CIT: variants seen among roughly 807,000 people sequenced by gnomAD.
CIT encodes citron rho-interacting serine/threonine kinase.
Under a neutral mutation model 272.7 loss-of-function variants are expected in CIT, and 79 were observed. The observed-to-expected ratio is 0.29, with a 90% CI of 0.24 to 0.35. CIT has a LOEUF of 0.35. Ranked by LOEUF, CIT falls within the 10% of genes least tolerant of loss-of-function variation. The pLI is 1.00. For synonymous variants in CIT, 948 were observed against 995.6 expected, an observed-to-expected ratio of 0.95 and a Z score of 0.90; for missense variants, 1,909 against 2,618.3, an observed-to-expected ratio of 0.73 and a Z score of 5.91.
chr12:119,798,392 G>A (rs1252579930), intron 10 of CIT, among the ~76,000 whole-genome samples: 2 of 152,162 alleles, frequency 1.3e-5, no homozygotes, highest in Non-Finnish European at 2.9e-5. Flanking sequence ...CATAACTTTA[G>A]GCAAGTTGTT....
intron 23 of CIT, among the ~76,000 whole-genome samples, chr12:119,750,102 T>A (rs1307350197): frequency 6.6e-6 from 1 of 152,224 alleles, no homozygotes; most frequent in Non-Finnish European, 1.5e-5. Context: ...TTATTAAATA[T>A]GGATTAAATT....
At chr12:119,848,552 A>T (rs1037722315) in intron 5 of CIT, among the ~76,000 whole-genome samples, 1 of 152,214 alleles carries the variant, frequency 6.6e-6, no homozygotes, top group Non-Finnish European at 1.5e-5. Flanking sequence ...CTAACTTATG[A>T]TATATACACA....
intron 20 of CIT, among the ~76,000 whole-genome samples, chr12:119,760,455 C>T (rs1961625625): frequency 1.3e-5 from 2 of 151,962 alleles, no homozygotes; most frequent in Non-Finnish European, 2.9e-5. Flanking sequence ...AGCAAGATCT[C>T]GTCTCTACAG....
At chr12:119,863,846 G>GAA (rs111497376) in intron 3 of CIT, among the ~76,000 whole-genome samples, 19 of 108,808 alleles carry the variant, frequency 1.7e-4, no homozygotes, top group Non-Finnish European at 2.0e-4. Context: ...TTTAAACATA[G>GAA]AAAAAAAAAA....
In CIT at chr12:119,713,015, G is replaced by C. The variant is rs1014399591; in HGVS notation, c.4579+188C>G. On this transcript the variant is annotated intron_variant, in intron 35 of 47. Transcript: ENST00000392521. The surrounding 1 kb of genome is among the most constrained non-coding windows in gnomAD (Gnocchi z 5.2). Reference sequence around the variant, plus strand: ...AGGGCAGCGCCCTGCGGGTTCTTCAGGGGGGAGACCTATAGATGTGAGTAT... The same window carrying C: ...AGGGCAGCGCCCTGCGGGTTCTTCACGGGGGAGACCTATAGATGTGAGTAT... The C allele has an allele frequency of 4.7e-6, 3 of 636,396 alleles. No individual in the cohort carries two copies. Among genetic ancestry groups the C allele is most frequent in the African/African-American group, 1.8e-5 (1 of 54,984 alleles). The allele number at this position is 636,396 out of a possible 1,614,324, so 39.4% of individuals were successfully genotyped here.
At chr12:119,741,918 T>C (rs907220039) in intron 24 of CIT, among the ~76,000 whole-genome samples, 1 of 152,218 alleles carries the variant, frequency 6.6e-6, no homozygotes, top group Non-Finnish European at 1.5e-5. Flanking sequence ...TGAATTTGCA[T>C]GTTGGGAAGC....
chr12:119,755,397 C>T (rs1960813291), intron 22 of CIT, among the ~76,000 whole-genome samples: 1 of 152,228 alleles, frequency 6.6e-6, no homozygotes, highest in Admixed American at 6.5e-5. Context: ...CAAATAAAGA[C>T]ATGCATAAAC....
At chr12:119,858,508 C>A (rs1206648015) in intron 3 of CIT, among the ~76,000 whole-genome samples, 1 of 143,400 alleles carries the variant, frequency 7.0e-6, no homozygotes, top group Non-Finnish European at 1.5e-5. Context: ...CAGAGTGAAA[C>A]TCTGTCTCCA....
intron 23 of CIT, 62 bp downstream of exon 23, chr12:119,751,988 A>C: frequency 2.1e-6 from 3 of 1,419,068 alleles, no homozygotes; most frequent in Non-Finnish European, 2.9e-6. Flanking sequence ...ACTCAGTGCC[A>C]GTTCCACACT....
In CIT at chr12:119,701,410, C is replaced by T. The variant is rs148098124; in HGVS notation, c.5542+214G>A. On this transcript the variant is annotated intron_variant, in intron 43 of 47. Transcript: ENST00000392521. ...GGATGGATGAGGAAAAAACTGCCTG[C>T]TCTTTGGAGAGAATGTGATAAAGTT... 3.5e-4 allele frequency among the ~76,000 whole-genome samples: 54 copies of T among 152,252 alleles called. No individual in the cohort carries two copies. The East Asian group carries it at 9.6e-3, about 27-fold the overall frequency.
intron 5 of CIT, among the ~76,000 whole-genome samples, chr12:119,848,312 G>T (rs145395689): frequency 6.6e-6 from 1 of 152,250 alleles, no homozygotes; most frequent in African/African-American, 2.4e-5. Flanking sequence ...AGGAATAAAA[G>T]CAGCAAATTC....
At chr12:119,689,666 CTTTTTTTTTTTTT>C (rs531946559) in intron 47 of CIT, among the ~76,000 whole-genome samples, 1,276 of 75,142 alleles carry the variant, frequency 0.017, 43 homozygotes, top group African/African-American at 0.056. Flanking sequence ...TTAGGAAGCT[CTTTTTTTTTTTTT>C]TTTTTTTTTT....
At chr12:119,692,870 T>TTA (rs1956035791) in intron 46 of CIT, among the ~76,000 whole-genome samples, 2 of 152,220 alleles carry the variant, frequency 1.3e-5, no homozygotes, top group African/African-American at 4.8e-5. Context: ...AACCCCTGTC[T>TTA]CTGCAGCAGT....
At chr12:119,828,990 AAAGGAAGG>A (rs10544983) in intron 7 of CIT, among the ~76,000 whole-genome samples, 1 of 150,462 alleles carries the variant, frequency 6.6e-6, no homozygotes, top group Non-Finnish European at 1.5e-5. Flanking sequence ...GAAGGAAAAG[AAAGGAAGG>A]AAGGAAGGAA....
chr12:119,832,895 C>T, intron 6 of CIT, 31 bp from the exon 7 acceptor site: 1 of 1,518,910 alleles, frequency 6.6e-7, no homozygotes, highest in East Asian at 2.3e-5. Flanking sequence ...TGAATTGCCT[C>T]CTCCATCCCA....
intron 7 of CIT, among the ~76,000 whole-genome samples, chr12:119,825,841 G>C (rs1048148139): frequency 2.6e-5 from 4 of 152,216 alleles, no homozygotes; most frequent in African/African-American, 7.2e-5. Context: ...GCCAAGGTGG[G>C]TGGATCATTT....
At chr12:119,723,396 T>TAAA (rs1565942859) in intron 28 of CIT, among the ~76,000 whole-genome samples, 2 of 133,870 alleles carry the variant, frequency 1.5e-5, no homozygotes, top group African/African-American at 3.0e-5. Flanking sequence ...TCCCTATACA[T>TAAA]TAAAAAAAAA....
intron 9 of CIT, among the ~76,000 whole-genome samples, chr12:119,816,868 A>C (rs1295200082): frequency 2.0e-5 from 3 of 152,186 alleles, no homozygotes; most frequent in Non-Finnish European, 4.4e-5. Flanking sequence ...GGTTGTTGCA[A>C]CTGCAGGGGG....
chr12:119,825,413 C>A, intron 7 of CIT, 45 bp from the exon 8 acceptor site: 1 of 1,562,326 alleles, frequency 6.4e-7, no homozygotes, highest in Non-Finnish European at 8.8e-7. Flanking sequence ...TTTCAATTAT[C>A]CTCAAGTAGA....
Sources: gnomAD v4.1 joint callset for allele counts (sites outside exome capture counted in the v4.1 genomes callset) on GRCh38, gnomAD v4.1.1 for gene constraint, Gnocchi (gnomAD v3.1) non-coding constraint, MANE v1.5 for transcripts, NCBI Gene and HGNC (gene_info 2026-07-23, HGNC 2026-07-21) for gene names.